The following NOTCH1 variants were observed in gnomAD, a reference collection of about 807,000 sequenced individuals.
NOTCH1 encodes neurogenic locus notch homolog protein 1.
In NOTCH1, 37 loss-of-function variants were observed where a neutral mutation model predicts 254.8. That is an observed-to-expected ratio of 0.15 (90% CI 0.11 to 0.19). The LOEUF is 0.19. Among genes scored for constraint, NOTCH1 ranks in the 10% least tolerant of loss-of-function variants. The probability of loss-of-function intolerance (pLI) is 1.00; values close to 1 mark genes in which losing one functional copy is unlikely to be tolerated. For missense variants in NOTCH1, 2,972 were observed against 3,708.6 expected (o/e 0.80, Z 5.16); for synonymous variants, 1,731 against 1,618.1 (o/e 1.07, Z -1.68).
At chr9:136,536,003 T>A (rs1843650933) in intron 2 of NOTCH1, among the ~76,000 whole-genome samples, 1 of 151,344 alleles carries the variant, frequency 6.6e-6, no homozygotes, top group South Asian at 2.1e-4. Flanking sequence ...GGGGGAGCAC[T>A]CAGGATCCCT....
At chr9:136,531,314 C>T (rs1014588450) in intron 2 of NOTCH1, among the ~76,000 whole-genome samples, 7 of 152,244 alleles carry the variant, frequency 4.6e-5, no homozygotes, top group Non-Finnish European at 8.8e-5. Flanking sequence ...GCACACCACC[C>T]GGATCTGAAG....
At chr9:136,520,279 C>A (rs780586710) in intron 4 of NOTCH1, among the ~76,000 whole-genome samples, 1 of 152,196 alleles carries the variant, frequency 6.6e-6, no homozygotes, top group Non-Finnish European at 1.5e-5. Context: ...GCCTTTGAAC[C>A]CCCGTTGCCC....
intron 17 of NOTCH1, 143 bp downstream of exon 17, chr9:136,510,510 T>A (rs1843161931): frequency 1.8e-6 from 2 of 1,116,698 alleles, no homozygotes; most frequent in Non-Finnish European, 2.6e-6. Context: ...CCTCAGCACA[T>A]CCCCCACACC....
At chr9:136,511,536 C>CA (rs959830404) in intron 15 of NOTCH1, among the ~76,000 whole-genome samples, 3 of 152,230 alleles carry the variant, frequency 2.0e-5, no homozygotes, top group African/African-American at 7.2e-5. Flanking sequence ...GGCAGCGGGG[C>CA]ACAGCCTAGG....
rs535702482 is a variant in NOTCH1 at position 136,504,770 on chromosome 9, G to A, written c.4921C>T (p.Pro1641Ser). 1.3e-4 allele frequency: 204 copies of A among 1,551,554 alleles called. 2 individuals are homozygous for A. The South Asian group carries it at 2.3e-3, about 18-fold the overall frequency. Reference protein sequence around the residue: ...IKRAAEGWAAPDALLGQVKAS... With the variant: ...IKRAAEGWAASDALLGQVKAS... Reference sequence around the variant, plus strand: ...TTCACCTGGCCCAGCAGGGCGTCAGGTGCGGCCCAGCCCTCGGCGGCACGC... The same window carrying A: ...TTCACCTGGCCCAGCAGGGCGTCAGATGCGGCCCAGCCCTCGGCGGCACGC... Residue 1641 changes from proline (P) to serine (S), a missense_variant, in exon 26 of 34, where the codon CCT becomes TCT. By Grantham distance (74) the Pro-to-Ser change is moderately conservative (BLOSUM62 -1). Coordinates refer to ENST00000651671, the MANE Select transcript of NOTCH1 (RefSeq NM_017617.5).
Position 136,506,522 on chromosome 9 carries a change from C to A in NOTCH1, c.4014+5G>T. On this transcript the variant is annotated splice_donor_5th_base_variant and intron_variant, in intron 24 of 33. Coordinates refer to ENST00000651671, the MANE Select transcript of NOTCH1 (RefSeq NM_017617.5). The surrounding 1 kb of genome is among the most constrained non-coding windows in gnomAD (Gnocchi z 4.5). ...GCCCCTGCCTCCCTGCACCCCTGCA[C>A]CTACCGCAGGGCACTTGCAGATGAA... 1 of 1,586,650 alleles carries A rather than the reference C, an allele frequency of 6.3e-7. No homozygotes were observed. Among genetic ancestry groups the A allele is most frequent in the Non-Finnish European group, 8.6e-7 (1 of 1,167,704 alleles).
At chr9:136,502,126 C>T (rs772554986) in intron 28 of NOTCH1, 38 bp from the exon 29 acceptor site, 2 of 1,610,362 alleles carry the variant, frequency 1.2e-6, no homozygotes, top group East Asian at 4.5e-5. Flanking sequence ...GCTGAGCGAG[C>T]TCCCTAGGAA....
rs895191283 is a variant in NOTCH1, at chr9:136,545,470, C to A, written c.61+256G>T. Among the ~76,000 whole-genome samples, 3 of 152,174 alleles carry A rather than the reference C, an allele frequency of 2.0e-5. No individual in the cohort carries two copies. The highest frequency in any genetic ancestry group is 4.1e-4 in the South Asian group (2 of 4,826). On this transcript the variant is annotated intron_variant, in intron 1 of 33. Coordinates refer to ENST00000651671, the MANE Select transcript of NOTCH1 (RefSeq NM_017617.5). The surrounding 1 kb of genome is among the most constrained non-coding windows in gnomAD (Gnocchi z 6.8). The stretch of plus-strand genomic sequence containing the variant: ...GCCCGGAGTAGGGCCTCCGGGGCCC[C>A]AGCACCCCACACCGGCCTCCTAACT...
At chr9:136,526,685 C>T (rs1168493881) in intron 2 of NOTCH1, among the ~76,000 whole-genome samples, 1 of 152,232 alleles carries the variant, frequency 6.6e-6, no homozygotes, top group African/African-American at 2.4e-5. Context: ...CCCCACTCCC[C>T]ACCCTGAGCG....
intron 31 of NOTCH1, 145 bp from the exon 32 acceptor site, chr9:136,499,404 A>T (rs1589054755): frequency 8.0e-7 from 1 of 1,248,412 alleles, no homozygotes; most frequent in East Asian, 2.5e-5. Flanking sequence ...GGGCAAGACG[A>T]AACGCCATGG....
intron 2 of NOTCH1, among the ~76,000 whole-genome samples, chr9:136,525,004 C>T (rs1304751663): frequency 1.3e-5 from 2 of 152,172 alleles, no homozygotes; most frequent in Admixed American, 1.3e-4. Flanking sequence ...ATGTCAAGAT[C>T]GCACTGGGGA....
At position 136,514,719 on chromosome 9, in the gene NOTCH1, T is replaced by G. The variant is rs2133361388; in HGVS notation, c.2015-17A>C. The stretch of plus-strand genomic sequence containing the variant: ...ACATGCTCCCTAAGGGCAGGGCGGG[T>G]CAGACTCCGAGGCCCAGCGCCCAGG... On this transcript the variant is annotated splice_polypyrimidine_tract_variant and intron_variant, in intron 12 of 33. Transcript: ENST00000651671. 1 of 1,609,742 alleles carries G rather than the reference T, an allele frequency of 6.2e-7. No homozygotes were observed. The highest frequency in any genetic ancestry group is 1.1e-5 in the South Asian group (1 of 90,532).
intron 4 of NOTCH1, 166 bp from the exon 5 acceptor site, chr9:136,519,731 C>T: frequency 1.1e-6 from 1 of 890,904 alleles, no homozygotes; most frequent in South Asian, 1.3e-5. Context: ...CCCAGAGGGA[C>T]ACGCCCTGCT....
At chr9:136,521,273 G>T (rs1305907682) in intron 4 of NOTCH1, among the ~76,000 whole-genome samples, 2 of 152,064 alleles carry the variant, frequency 1.3e-5, no homozygotes, top group Admixed American at 6.5e-5. Context: ...CACCGGACGG[G>T]TGACCCAGCC....
At chr9:136,542,342 G>A (rs1434447496) in intron 2 of NOTCH1, among the ~76,000 whole-genome samples, 4 of 152,148 alleles carry the variant, frequency 2.6e-5, no homozygotes, top group African/African-American at 4.8e-5. Context: ...AGTCCGAGCC[G>A]GGAGCGCAGT....
intron 2 of NOTCH1, among the ~76,000 whole-genome samples, chr9:136,536,768 C>G (rs1246233828): frequency 6.6e-6 from 1 of 152,254 alleles, no homozygotes; most frequent in East Asian, 1.9e-4. Flanking sequence ...CCAAGCCCGT[C>G]CATCCTGTGG....
intron 4 of NOTCH1, among the ~76,000 whole-genome samples, chr9:136,521,380 C>G (rs1188285340): frequency 6.6e-6 from 1 of 152,098 alleles, no homozygotes; most frequent in African/African-American, 2.4e-5. Flanking sequence ...GGGCCCTGAG[C>G]TGCCCCTGCA....
chr9:136,530,781 GC>G (rs1214251180), intron 2 of NOTCH1, among the ~76,000 whole-genome samples: 1 of 152,222 alleles, frequency 6.6e-6, no homozygotes, highest in African/African-American at 2.4e-5. Context: ...ACACGCCGGG[GC>G]TCTGCTCCCA....
chr9:136,519,652 G>C (rs763012091), intron 4 of NOTCH1, 87 bp from the exon 5 acceptor site: 6 of 1,602,976 alleles, frequency 3.7e-6, no homozygotes, highest in Non-Finnish European at 5.1e-6. Flanking sequence ...CTGGACACAA[G>C]AGCCTGGCCT....
Sources: gnomAD v4.1 joint callset for allele counts (sites outside exome capture counted in the v4.1 genomes callset) on GRCh38, gnomAD v4.1.1 for gene constraint, Gnocchi (gnomAD v3.1) non-coding constraint, MANE v1.5 for transcripts, NCBI Gene and HGNC (gene_info 2026-07-23, HGNC 2026-07-21) for gene names.